CLASP1: variants seen among roughly 807,000 people sequenced by gnomAD.
CLASP1 encodes cytoplasmic linker associated protein 1.
In CLASP1, 38 loss-of-function variants were observed where a neutral mutation model predicts 192.3. The observed-to-expected ratio is 0.20, with a 90% CI of 0.15 to 0.26. The LOEUF (loss-of-function observed/expected upper bound fraction) is 0.26, where lower values mean the gene tolerates loss of function less well. Among genes scored for constraint, CLASP1 ranks in the 10% least tolerant of loss-of-function variants. The pLI, the probability that CLASP1 is intolerant of heterozygous loss-of-function variation, is 1.00. For synonymous variants in CLASP1, 691 were observed against 712.8 expected, an observed-to-expected ratio of 0.97 and a Z score of 0.49; for missense variants, 1,433 against 1,932.5, an observed-to-expected ratio of 0.74 and a Z score of 4.85.
At chr2:121,388,919 C>T (rs529183764) in intron 30 of CLASP1, among the ~76,000 whole-genome samples, 5 of 152,064 alleles carry the variant, frequency 3.3e-5, no homozygotes, top group African/African-American at 1.2e-4. Context: ...AATTTTTTTC[C>T]ATGACATAGA....
chr2:121,566,183 G>T (rs772565625), intron 2 of CLASP1, among the ~76,000 whole-genome samples: 1 of 152,188 alleles, frequency 6.6e-6, no homozygotes, highest in Non-Finnish European at 1.5e-5. Flanking sequence ...CCCACAAGAG[G>T]GGGTAGATGT....
intron 2 of CLASP1, among the ~76,000 whole-genome samples, chr2:121,574,666 C>T (rs1265948811): frequency 3.4e-5 from 5 of 145,110 alleles, no homozygotes; most frequent in African/African-American, 1.0e-4. Context: ...AAACCGGGTG[C>T]GGTGGCTCAC....
intron 9 of CLASP1, among the ~76,000 whole-genome samples, chr2:121,465,311 G>C (rs1429248365): frequency 5.9e-5 from 9 of 151,932 alleles, no homozygotes; most frequent in East Asian, 1.9e-4. Context: ...TGATAAGCAA[G>C]TTCAGCAAAG....
intron 1 of CLASP1, among the ~76,000 whole-genome samples, chr2:121,631,069 G>A (rs562046834): frequency 4.5e-5 from 6 of 134,152 alleles, no homozygotes; most frequent in Non-Finnish European, 7.7e-5. Flanking sequence ...TGAGGCAGGA[G>A]AATGGCATGA....
At chr2:121,608,736 T>C (rs2064790534) in intron 1 of CLASP1, among the ~76,000 whole-genome samples, 1 of 152,204 alleles carries the variant, frequency 6.6e-6, no homozygotes, top group Non-Finnish European at 1.5e-5. Flanking sequence ...TCAGAGCGGT[T>C]GGTTACAGAG....
chr2:121,343,735 A>T (rs570854551), intron 39 of CLASP1, among the ~76,000 whole-genome samples: 48 of 152,346 alleles, frequency 3.2e-4, no homozygotes, highest in Non-Finnish European at 4.4e-4. Flanking sequence ...AGTTTCGAAG[A>T]TGGATGGTAG....
chr2:121,532,791 A>G (rs1395279915), intron 2 of CLASP1: 1 of 152,210 alleles, frequency 6.6e-6, no homozygotes, highest in African/African-American at 2.4e-5. Flanking sequence ...GTTAATAATA[A>G]TACATCAATA....
exon 35 of CLASP1, chr2:121,367,678 G>C: frequency 1.2e-6 from 2 of 1,614,044 alleles, no homozygotes; most frequent in Non-Finnish European, 1.7e-6. Context: ...TAGGGGTACG[G>C]GTTGTAGTCT....
At position 121,494,787 on chromosome 2, in the gene CLASP1, G is replaced by A. The variant is rs149090361; in HGVS notation, c.712+8380C>T. On this transcript the variant is annotated intron_variant, in intron 8 of 39. Coordinates refer to ENST00000263710, the Ensembl canonical transcript of CLASP1. ...TGTAATCCCAGCACTTTGGGAGGCCGAGGTGAGCGAATCACCTGAGGTCAG... is the reference window on the plus strand; with the variant it reads ...TGTAATCCCAGCACTTTGGGAGGCCAAGGTGAGCGAATCACCTGAGGTCAG... Among the ~76,000 whole-genome samples, 344 of 152,266 alleles carry A rather than the reference G, an allele frequency of 2.3e-3. 4 individuals are homozygous for A. The East Asian group carries it at 0.025, about 11-fold the overall frequency.
chr2:121,588,804 A>T (rs72972704), intron 2 of CLASP1, among the ~76,000 whole-genome samples: 5,873 of 152,296 alleles, frequency 0.039, 160 homozygotes, highest in East Asian at 0.14. Flanking sequence ...GTGGTCACAC[A>T]TGGGCCATTT....
At chr2:121,645,846 C>A (rs1455295317) in intron 1 of CLASP1, among the ~76,000 whole-genome samples, 1 of 152,104 alleles carries the variant, frequency 6.6e-6, no homozygotes, top group Non-Finnish European at 1.5e-5. Flanking sequence ...GGAGGAAAAT[C>A]ATTGTGTGGC....
intron 22 of CLASP1, among the ~76,000 whole-genome samples, chr2:121,424,288 T>G (rs2080026754): frequency 6.6e-6 from 1 of 152,236 alleles, no homozygotes; most frequent in Non-Finnish European, 1.5e-5. Flanking sequence ...ATCTCATGTA[T>G]CTTCTAATTC....
chr2:121,606,138 T>C, exon 2 of CLASP1: 1 of 528,768 alleles, frequency 1.9e-6, no homozygotes, highest in South Asian at 3.1e-5. Context: ...AGAGTGATGT[T>C]CTACTACTGG....
At chr2:121,486,064 C>A (rs2092953305) in intron 8 of CLASP1, among the ~76,000 whole-genome samples, 1 of 152,260 alleles carries the variant, frequency 6.6e-6, no homozygotes, top group African/African-American at 2.4e-5. Flanking sequence ...TGTGTGCAAG[C>A]TCCCTGGGGC....
At chr2:121,444,765 T>C (rs2084020352) in intron 19 of CLASP1, among the ~76,000 whole-genome samples, 1 of 151,798 alleles carries the variant, frequency 6.6e-6, no homozygotes, top group Non-Finnish European at 1.5e-5. Flanking sequence ...AGAACTCAGG[T>C]AGAGGTAGGG....
chr2:121,422,188 G>A (rs2079621277), intron 22 of CLASP1, among the ~76,000 whole-genome samples: 2 of 152,106 alleles, frequency 1.3e-5, no homozygotes, highest in South Asian at 4.1e-4. Context: ...TCTTAAGGAA[G>A]GGTCCAACCA....
chr2:121,588,679 G>A (rs546784253), intron 2 of CLASP1, among the ~76,000 whole-genome samples: 1 of 152,164 alleles, frequency 6.6e-6, no homozygotes, highest in African/African-American at 2.4e-5. Context: ...CACACAAATA[G>A]TAAGTAGAGA....
At position 121,628,558 on chromosome 2, in the gene CLASP1, C is replaced by G. The variant is rs576869888; in HGVS notation, c.-286+20814G>C. 1.4e-4 allele frequency among the ~76,000 whole-genome samples: 22 copies of G among 151,824 alleles called. No individual in the cohort carries two copies. The East Asian group carries it at 3.9e-3, about 27-fold the overall frequency. On this transcript the variant is annotated intron_variant, in intron 1 of 39. Coordinates refer to ENST00000263710, the Ensembl canonical transcript of CLASP1. ...AGGCATGGTGGTGCACGCCTGTAAC[C>G]CCAGCTACTCCTGATGCTGAGGCAC...
chr2:121,512,833 T>C (rs1197688232), intron 7 of CLASP1: 6 of 152,248 alleles, frequency 3.9e-5, no homozygotes, highest in Admixed American at 3.3e-4. Flanking sequence ...TAATTAATCG[T>C]ATTCTTCTCA....
Sources: gnomAD v4.1 joint callset for allele counts (sites outside exome capture counted in the v4.1 genomes callset) on GRCh38, gnomAD v4.1.1 for gene constraint, MANE v1.5 for transcripts, NCBI Gene and HGNC (gene_info 2026-07-23, HGNC 2026-07-21) for gene names.